The following NRG3 variants were observed in gnomAD, a reference collection of about 807,000 sequenced individuals.
NRG3 encodes neuregulin 3, also known as pro-neuregulin-3, membrane-bound isoform.
Under a neutral mutation model 66.9 loss-of-function variants are expected in NRG3, and 31 were observed. The ratio of observed to expected loss-of-function variants is 0.46; its 90% CI spans 0.35 to 0.63. The LOEUF is 0.63. Among genes scored for constraint, NRG3 ranks in the 20% least tolerant of loss-of-function variants. NRG3 has a pLI of 0.00. For missense variants in NRG3, 910 were observed against 878.9 expected, an observed-to-expected ratio of 1.04 and a Z score of -0.45; for synonymous variants, 393 against 359.4, an observed-to-expected ratio of 1.09 and a Z score of -1.06.
chr10:81,921,762 A>C (rs1367519379), intron 1 of NRG3, among the ~76,000 whole-genome samples: 1 of 152,114 alleles, frequency 6.6e-6, no homozygotes, highest in Non-Finnish European at 1.5e-5. Flanking sequence ...GCACATCTTA[A>C]AAATGTTCTG....
intron 1 of NRG3, among the ~76,000 whole-genome samples, chr10:82,032,591 C>T (rs2062621239): frequency 6.6e-6 from 1 of 151,964 alleles, no homozygotes; most frequent in South Asian, 2.1e-4. Flanking sequence ...ATAAGTTAAG[C>T]AGAATTGAAA....
chr10:82,279,143 A>C (rs1261278574), intron 1 of NRG3, among the ~76,000 whole-genome samples: 1 of 152,168 alleles, frequency 6.6e-6, no homozygotes, highest in Non-Finnish European at 1.5e-5. Flanking sequence ...GTCATTTCAC[A>C]GGAAGAAATG....
At chr10:82,226,292 A>G (rs2076161711) in intron 1 of NRG3, among the ~76,000 whole-genome samples, 2 of 152,134 alleles carry the variant, frequency 1.3e-5, no homozygotes, top group African/African-American at 4.8e-5. Flanking sequence ...CAGCTTTCTT[A>G]CCACTTCTAG....
chr10:82,481,245 G>T (rs1336547611), intron 2 of NRG3, among the ~76,000 whole-genome samples: 1 of 152,108 alleles, frequency 6.6e-6, no homozygotes, highest in Non-Finnish European at 1.5e-5. Flanking sequence ...CAATCCATTG[G>T]ATTTACTCTT....
intron 2 of NRG3, among the ~76,000 whole-genome samples, chr10:82,578,155 A>T (rs2046143311): frequency 6.6e-6 from 1 of 151,328 alleles, no homozygotes; most frequent in African/African-American, 2.4e-5. Flanking sequence ...CAGATTTTTT[A>T]ATAGTATAAA....
rs573829071 is a variant in NRG3, at chr10:82,971,312, T to C, written c.1285-2476T>C. 1.9e-4 allele frequency among the ~76,000 whole-genome samples: 29 copies of C among 152,202 alleles called. 1 individual carries two copies. The South Asian group carries it at 6.0e-3, about 32-fold the overall frequency. On this transcript the variant is annotated intron_variant, in intron 6 of 8. Coordinates refer to ENST00000372141, the MANE Select transcript of NRG3 (RefSeq NM_001010848.4). Reference sequence around the variant, plus strand: ...TTCTCTTTATCAAAATCTAAAAATATAAATTGAACTAAAATTATACTTTAC... The same window carrying C: ...TTCTCTTTATCAAAATCTAAAAATACAAATTGAACTAAAATTATACTTTAC...
chr10:82,372,420 A>C (rs1363052475), intron 2 of NRG3, among the ~76,000 whole-genome samples: 1 of 152,232 alleles, frequency 6.6e-6, no homozygotes, highest in Admixed American at 6.5e-5. Flanking sequence ...CTGAATGGAA[A>C]GTATAGAGAA....
chr10:82,708,325 T>C (rs1355839052), intron 2 of NRG3, among the ~76,000 whole-genome samples: 1 of 152,168 alleles, frequency 6.6e-6, no homozygotes, highest in East Asian at 1.9e-4. Flanking sequence ...AACATGTATT[T>C]TAGGTGCAGG....
At chr10:82,023,540 C>G (rs908418778) in intron 1 of NRG3, among the ~76,000 whole-genome samples, 3 of 151,910 alleles carry the variant, frequency 2.0e-5, no homozygotes, top group African/African-American at 7.2e-5. Flanking sequence ...CTTCTGTACA[C>G]AATTTGTTGA....
chr10:82,935,249 G>A (rs926480768), intron 4 of NRG3, among the ~76,000 whole-genome samples: 1 of 152,164 alleles, frequency 6.6e-6, no homozygotes, highest in Non-Finnish European at 1.5e-5. Flanking sequence ...GGGGAAGAAC[G>A]AGATCGTCTC....
At chr10:82,032,723 G>C (rs10736172) in intron 1 of NRG3, among the ~76,000 whole-genome samples, 103,401 of 151,938 alleles carry the variant, frequency 0.68, 36,735 homozygotes, top group Admixed American at 0.79. Context: ...CACATTGTGC[G>C]TTAACTTTGA....
At chr10:82,057,734 C>T (rs891471155) in intron 1 of NRG3, among the ~76,000 whole-genome samples, 4 of 152,032 alleles carry the variant, frequency 2.6e-5, no homozygotes, top group Non-Finnish European at 5.9e-5. Context: ...GCCTCCTCTT[C>T]GTCCTTCTTC....
chr10:82,799,954 C>T (rs940999536), intron 3 of NRG3: 6 of 152,120 alleles, frequency 3.9e-5, no homozygotes, highest in Non-Finnish European at 7.3e-5. Context: ...CCATGGAGGT[C>T]CACTGTCCAA....
chr10:82,051,255 G>A (rs909633966), intron 1 of NRG3, among the ~76,000 whole-genome samples: 64 of 152,202 alleles, frequency 4.2e-4, no homozygotes, highest in African/African-American at 1.5e-3. Flanking sequence ...CACTTAGAGT[G>A]GTCAAAAGAG....
At chr10:82,524,363 A>C (rs940760156) in intron 2 of NRG3, among the ~76,000 whole-genome samples, 3 of 152,036 alleles carry the variant, frequency 2.0e-5, no homozygotes, top group Non-Finnish European at 4.4e-5. Flanking sequence ...TGAGATACAT[A>C]GTAGGTGCTG....
chr10:82,693,611 TAAA>T (rs931927246), intron 2 of NRG3, among the ~76,000 whole-genome samples: 1 of 152,134 alleles, frequency 6.6e-6, no homozygotes, highest in Non-Finnish European at 1.5e-5. Flanking sequence ...TAGATGCAAA[TAAA>T]ATTGTGTCCA....
intron 1 of NRG3, among the ~76,000 whole-genome samples, chr10:82,174,513 T>A (rs2072879953): frequency 6.6e-6 from 1 of 152,124 alleles, no homozygotes; most frequent in Non-Finnish European, 1.5e-5. Flanking sequence ...TCTGTTTGTT[T>A]TAAGTTTAGA....
chr10:82,040,295 T>G (rs989786748), intron 1 of NRG3, among the ~76,000 whole-genome samples: 3 of 152,056 alleles, frequency 2.0e-5, no homozygotes, highest in Non-Finnish European at 4.4e-5. Context: ...TCCATGCATA[T>G]GTATACATGT....
At chr10:82,124,209 G>A (rs1273491583) in intron 1 of NRG3, among the ~76,000 whole-genome samples, 1 of 151,970 alleles carries the variant, frequency 6.6e-6, no homozygotes, top group East Asian at 1.9e-4. Flanking sequence ...GCGTTATGGA[G>A]AATTGGCTTT....
Sources: gnomAD v4.1 joint callset for allele counts (sites outside exome capture counted in the v4.1 genomes callset) on GRCh38, gnomAD v4.1.1 for gene constraint, MANE v1.5 for transcripts, NCBI Gene and HGNC (gene_info 2026-07-23, HGNC 2026-07-21) for gene names.